The following MPPE1 variants were observed in gnomAD, a reference collection of about 807,000 sequenced individuals.
MPPE1 encodes metallophosphoesterase 1.
In MPPE1, 28 loss-of-function variants were observed where a neutral mutation model predicts 43.8. That is an observed-to-expected ratio of 0.64 (90% confidence interval 0.47 to 0.88). The LOEUF is 0.88. Among genes scored for constraint, MPPE1 ranks in the 40% least tolerant of loss-of-function variants. The pLI is 0.00. For synonymous variants in MPPE1, 159 were observed against 188.5 expected (o/e 0.84, Z 1.28); for missense variants, 428 against 492.2 (o/e 0.87, Z 1.23).
intron 5 of MPPE1, 29 bp downstream of exon 5, chr18:11,889,358 A>G (rs1176836028): frequency 7.3e-7 from 1 of 1,370,176 alleles, no homozygotes; most frequent in Non-Finnish European, 1.0e-6. Flanking sequence ...AAGAGCTCTC[A>G]GGGTGCAGGG....
In MPPE1 at chr18:11,886,935, T is replaced by A; in HGVS notation, c.660A>T (p.Arg220Ser). The A allele has an allele frequency of 6.2e-7, 1 of 1,613,412 alleles. No individual in the cohort carries two copies. The highest frequency in any genetic ancestry group is 8.5e-7 in the Non-Finnish European group (1 of 1,179,688). The change falls in exon 7 of 11, where the codon AGA becomes AGT. Residue 220 changes from arginine (R) to serine (S), a missense_variant. Around this residue, in one of 3 missense-constraint regions of MPPE1, gnomAD observed 379 missense variants for 402.5 expected, o/e 0.94. Transcript: ENST00000588072. The surrounding 1 kb of genome is among the most constrained non-coding windows in gnomAD (Gnocchi z 4.1). ...CTCCTACCTCTCGGGAGCAGTTCAG[T>A]CTGTGAGAAACTTCAATGAGCTCTG... Reference protein sequence around the residue: ...TEAELIEVSHRLNCSREARGS... With the variant: ...TEAELIEVSHSLNCSREARGS...
At chr18:11,908,036 G>C (rs1285997106) in intron 1 of MPPE1, 165 bp downstream of exon 1, 1 of 152,140 alleles carries the variant, frequency 6.6e-6, no homozygotes, top group East Asian at 1.9e-4. Flanking sequence ...GCAAACTAGA[G>C]TGAGAGACCC....
At chr18:11,889,277 G>A (rs2037691264) in intron 5 of MPPE1, 110 bp downstream of exon 5, 2 of 685,044 alleles carry the variant, frequency 2.9e-6, no homozygotes, top group South Asian at 4.3e-5. Context: ...ATCTTTTGAA[G>A]AAAACAAATT....
chr18:11,906,392 T>G (rs1051133536), intron 1 of MPPE1, 83 bp from the exon 2 acceptor site: 1 of 152,058 alleles, frequency 6.6e-6, no homozygotes, highest in Non-Finnish European at 1.5e-5. Context: ...TGACCAACTT[T>G]GAAAGTAAAA....
chr18:11,907,253 C>A (rs990599253), intron 1 of MPPE1, among the ~76,000 whole-genome samples: 3 of 152,176 alleles, frequency 2.0e-5, no homozygotes, highest in Admixed American at 2.0e-4. Context: ...ATCTTTCAAC[C>A]AAATGCCAAT....
intron 2 of MPPE1, among the ~76,000 whole-genome samples, chr18:11,901,394 T>G (rs1348458388): frequency 1.3e-5 from 2 of 151,826 alleles, no homozygotes; most frequent in African/African-American, 4.8e-5. Context: ...CCACACCCAG[T>G]TAATTTTCAT....
At chr18:11,895,141 G>A (rs191837141) in intron 3 of MPPE1, 1 of 152,266 alleles carries the variant, frequency 6.6e-6, no homozygotes, top group African/African-American at 2.4e-5. Context: ...TATGTCCTGG[G>A]ATATATAAAT....
intron 10 of MPPE1, chr18:11,885,089 A>G (rs1322453630): frequency 1.6e-6 from 2 of 1,254,824 alleles, no homozygotes; most frequent in South Asian, 2.6e-5. Flanking sequence ...TTTTCTTTGC[A>G]GATACTTTTA....
chr18:11,885,548 T>C, intron 10 of MPPE1, 128 bp downstream of exon 10: 1 of 1,123,466 alleles, frequency 8.9e-7, no homozygotes. Flanking sequence ...TGGAGCTACG[T>C]GTAGAAGGAG....
chr18:11,887,081 C>T (rs925438743), intron 6 of MPPE1, 56 bp from the exon 7 acceptor site: 6 of 1,276,618 alleles, frequency 4.7e-6, no homozygotes, highest in Non-Finnish European at 6.7e-6. Flanking sequence ...CTTTCTTTTC[C>T]CTACTGTTCC....
intron 4 of MPPE1, chr18:11,893,230 C>T (rs913532826): frequency 2.5e-4 from 120 of 485,816 alleles, no homozygotes; most frequent in African/African-American, 2.1e-3. Context: ...CGACATATTT[C>T]CTACATAGAC....
Position 11,884,640 on chromosome 18 carries a change from AGGGAAAGTTAT to A in MPPE1, c.1009-24_1009-14del, listed in dbSNP as rs764788951. ...GCGTGATGCTACCCTGGAAAGGAGA[AGGGAAAGTTAT>A]GCTGAGAGCACCAGGCACACGTTGA... On this transcript the variant is annotated splice_polypyrimidine_tract_variant and intron_variant, in intron 10 of 10. Transcript: ENST00000588072. The A allele has an allele frequency of 3.8e-5, 61 of 1,611,992 alleles. No homozygotes were observed. The Middle Eastern group carries it at 5.0e-4, about 13-fold the overall frequency.
chr18:11,884,761 G>A, intron 10 of MPPE1, 134 bp from the exon 11 acceptor site: 1 of 1,318,524 alleles, frequency 7.6e-7, no homozygotes, highest in Non-Finnish European at 1.0e-6. Context: ...CTCCTCACCT[G>A]AGACCAAGGG....
rs75949105 is a variant in MPPE1, at chr18:11,884,746, G to A, written c.1009-119C>T. Reference sequence around the variant, plus strand: ...GTCCCCCTCAGGTGAGGCAGGGAACGGGCCCTCCTCACCTGAGACCAAGGG... The same window carrying A: ...GTCCCCCTCAGGTGAGGCAGGGAACAGGCCCTCCTCACCTGAGACCAAGGG... On this transcript the variant is annotated intron_variant, in intron 10 of 10. Transcript: ENST00000588072. The A allele has an allele frequency of 6.2e-5, 82 of 1,321,246 alleles. No individual in the cohort carries two copies. In the East Asian group the frequency reaches 1.1e-3, roughly 17 times the overall value. 81.8% of individuals were successfully genotyped at this position (1,321,246 alleles called of 1,614,324 possible). A position where few individuals can be genotyped will look rare whatever the true frequency, so the allele number is the denominator to read the frequency against.
Position 11,886,606 on chromosome 18 carries a change from G to T in MPPE1, c.760C>A (p.Arg254=). 1 of 1,614,132 alleles carries T rather than the reference G, an allele frequency of 6.2e-7. No homozygotes were observed. The highest frequency in any genetic ancestry group is 8.5e-7 in the Non-Finnish European group (1 of 1,180,022). ...PVLLQHYPLY[R]RSDANCSGED... ...CCAGAACAGTTAGCATCACTTCTCC[G>T]ATACAGAGGATAATGCTGTCCGGGG... Residue 254 remains arginine (R), a synonymous_variant, in exon 9 of 11, where the codon CGG becomes AGG. Coordinates refer to ENST00000588072, the MANE Select transcript of MPPE1 (RefSeq NM_023075.6). This position sits in a 1 kb window ranked among gnomAD's most constrained non-coding sequence, Gnocchi z 4.1.
chr18:11,885,398 G>C (rs182490018), intron 10 of MPPE1: 21 of 434,804 alleles, frequency 4.8e-5, no homozygotes, highest in Admixed American at 7.9e-5. Flanking sequence ...AACACACACA[G>C]AGTGTAAGAG....
chr18:11,892,146 C>T (rs1393042537), intron 4 of MPPE1, among the ~76,000 whole-genome samples: 3 of 151,720 alleles, frequency 2.0e-5, no homozygotes, highest in Non-Finnish European at 2.9e-5. Context: ...TCGAGACCAG[C>T]CTGGGCAACA....
chr18:11,895,731 GTTTA>G (rs1555627150), intron 3 of MPPE1, among the ~76,000 whole-genome samples: 1 of 151,892 alleles, frequency 6.6e-6, no homozygotes, highest in Non-Finnish European at 1.5e-5. Context: ...TTTGGTTTTT[GTTTA>G]TTGTTTTTTT....
At chr18:11,894,643 T>G (rs1017841519) in intron 3 of MPPE1, among the ~76,000 whole-genome samples, 3 of 152,148 alleles carry the variant, frequency 2.0e-5, no homozygotes, top group Non-Finnish European at 2.9e-5. Flanking sequence ...CAGGCTGGAG[T>G]ACAATGGTGT....
Sources: gnomAD v4.1 joint callset for allele counts (sites outside exome capture counted in the v4.1 genomes callset) on GRCh38, gnomAD v4.1.1 for gene constraint, gnomAD v4.1.1 regional missense constraint, Gnocchi (gnomAD v3.1) non-coding constraint, MANE v1.5 for transcripts, NCBI Gene and HGNC (gene_info 2026-07-23, HGNC 2026-07-21) for gene names.